The following TOMM7 variants were observed in gnomAD, a reference collection of about 807,000 sequenced individuals.
TOMM7 encodes mitochondrial import receptor subunit TOM7 homolog.
A neutral mutation model predicts 9.5 loss-of-function variants in TOMM7; 8 were observed. The observed-to-expected ratio is 0.84, with a 90% CI of 0.49 to 1.51. TOMM7 has a LOEUF of 1.51. Ranked by LOEUF, TOMM7 falls within the 40% of genes most tolerant of loss-of-function variation. The pLI is 0.00. For synonymous variants in TOMM7, 27 were observed against 21.4 expected (o/e 1.26, Z -0.72); for missense variants, 74 against 63.7 (o/e 1.16, Z -0.55).
At position 22,815,141 on chromosome 7, in the gene TOMM7, TA is replaced by T. The variant is rs1782300695; in HGVS notation, c.153-1957del. Among the ~76,000 whole-genome samples the T allele has an allele frequency of 5.3e-5, 8 of 152,034 alleles. No homozygotes were observed. In the South Asian group the frequency reaches 1.7e-3, roughly 32 times the overall value. On this transcript the variant is annotated intron_variant, in intron 2 of 2. Transcript: ENST00000358435. ...TGACAGAAAAGATCAAGAGGGTTAGTATCAGGAAGGAGAGAAGCACTGAGAA... is the reference window on the plus strand; with the variant it reads ...TGACAGAAAAGATCAAGAGGGTTAGTTCAGGAAGGAGAGAAGCACTGAGAA...
Position 22,822,839 on chromosome 7 carries a change from A to C in TOMM7, c.-60T>G. On this transcript the variant is annotated 5_prime_UTR_variant, in exon 1 of 3. Transcript: ENST00000358435. ...CAGCAACCACAGCGTCGGGAATCCG[A>C]AAGGGAAAGGAGGTGCGCAGGCGCC... 2 of 1,411,350 alleles carry C rather than the reference A, an allele frequency of 1.4e-6. No homozygotes were observed. The highest frequency in any genetic ancestry group is 2.3e-5 in the South Asian group (2 of 86,828). 87.4% of individuals were successfully genotyped at this position (1,411,350 alleles called of 1,614,324 possible). A position where few individuals can be genotyped will look rare whatever the true frequency, so the allele number is the denominator to read the frequency against.
chr7:22,813,182 T>A lies in TOMM7; in HGVS notation c.156A>T (p.Leu52=), dbSNP rs1328833106. The A allele has an allele frequency of 1.9e-6, 3 of 1,613,218 alleles. No individual in the cohort carries two copies. The highest frequency in any genetic ancestry group is 1.7e-6 in the Non-Finnish European group (2 of 1,179,604). ...PGMPEPTVLS[L]LWG is the part of the protein sequence containing the mutation. ...ACCAAATAATCCTTTATCCCCAAAG[T>A]AGGCTAAAATGTTTGTGAAGAGAAG... Residue 52 remains leucine, a synonymous_variant, in exon 3 of 3, where the codon CTA becomes CTT. Transcript: ENST00000358435.
rs1562674797 is a variant in TOMM7 at position 22,822,799 on chromosome 7, AG to A, written c.-21del. ...CACCATGGCGACGGCCGTGTGGCGC[AG>A]GGAGGACCCCTTACAGCAACCACAG... On this transcript the variant is annotated 5_prime_UTR_variant, in exon 1 of 3. Transcript: ENST00000358435. 1 of 1,601,600 alleles carries A rather than the reference AG, an allele frequency of 6.2e-7. No homozygotes were observed. Among genetic ancestry groups the A allele is most frequent in the Non-Finnish European group, 8.6e-7 (1 of 1,168,596 alleles).
chr7:22,820,259 C>A (rs569978748), intron 1 of TOMM7, among the ~76,000 whole-genome samples: 41 of 152,104 alleles, frequency 2.7e-4, no homozygotes, highest in African/African-American at 9.2e-4. Flanking sequence ...GGAAAGACAA[C>A]CTTAACACCA....
intron 1 of TOMM7, 72 bp from the exon 2 acceptor site, chr7:22,818,120 C>G (rs1017806349): frequency 1.4e-6 from 2 of 1,445,888 alleles, no homozygotes; most frequent in Non-Finnish European, 1.9e-6. Context: ...ACAATCAAGA[C>G]TTTTTCTTCT....
intron 1 of TOMM7, among the ~76,000 whole-genome samples, chr7:22,821,301 G>C (rs10267620): frequency 0.67 from 101,499 of 151,072 alleles, 34,935 homozygotes; most frequent in East Asian, 0.84. Context: ...TCCCAGCTGT[G>C]CGGGAGGCTG....
At chr7:22,820,479 G>T (rs1182399492) in intron 1 of TOMM7, among the ~76,000 whole-genome samples, 2 of 152,198 alleles carry the variant, frequency 1.3e-5, no homozygotes, top group Non-Finnish European at 2.9e-5. Flanking sequence ...AAAACAGGGA[G>T]GAGGAGGGAA....
intron 2 of TOMM7, among the ~76,000 whole-genome samples, chr7:22,814,546 T>C (rs1332167042): frequency 1.3e-5 from 2 of 152,026 alleles, no homozygotes; most frequent in African/African-American, 2.4e-5. Flanking sequence ...TCTTCTTCAA[T>C]GGTAATGGGC....
chr7:22,817,166 G>A (rs2286501), intron 2 of TOMM7, among the ~76,000 whole-genome samples: 1 of 151,912 alleles, frequency 6.6e-6, no homozygotes, highest in Non-Finnish European at 1.5e-5. Flanking sequence ...AAACCTGCCT[G>A]TTTGAGATTA....
Position 22,822,781 on chromosome 7 carries a change from G to A in TOMM7, c.-2C>T. 6.2e-7 allele frequency: 1 copy of A among 1,613,842 alleles called. No homozygotes were observed. Among genetic ancestry groups the A allele is most frequent in the Non-Finnish European group, 8.5e-7 (1 of 1,179,726 alleles). ...GGCCTCTTTGCTCAGCTTCACCATG[G>A]CGACGGCCGTGTGGCGCAGGGAGGA... On this transcript the variant is annotated 5_prime_UTR_variant, in exon 1 of 3. Coordinates refer to ENST00000358435, the MANE Select transcript of TOMM7 (RefSeq NM_019059.5).
At chr7:22,822,527 T>G in intron 1 of TOMM7, 150 bp downstream of exon 1, 2 of 768,026 alleles carry the variant, frequency 2.6e-6, no homozygotes, top group East Asian at 5.0e-5. Flanking sequence ...GAACTCAGGT[T>G]AGATCGGCCC....
At chr7:22,816,482 G>C (rs765862848) in intron 2 of TOMM7, among the ~76,000 whole-genome samples, 11 of 152,150 alleles carry the variant, frequency 7.2e-5, no homozygotes, top group Non-Finnish European at 1.6e-4. Flanking sequence ...CAAAGAGTAA[G>C]GGCTAAGAAA....
intron 2 of TOMM7, among the ~76,000 whole-genome samples, chr7:22,815,357 T>C (rs1782304845): frequency 1.3e-5 from 2 of 151,930 alleles, no homozygotes; most frequent in South Asian, 4.2e-4. Flanking sequence ...AGGTCCAGCC[T>C]AAAATTTGTA....
chr7:22,822,642 C>T (rs1782409991), intron 1 of TOMM7, 35 bp downstream of exon 1: 6 of 1,576,478 alleles, frequency 3.8e-6, no homozygotes, highest in Non-Finnish European at 4.4e-6. Flanking sequence ...CACCCTCTTC[C>T]CTCCAGTCAC....
At chr7:22,821,944 G>A (rs111812697) in intron 1 of TOMM7, among the ~76,000 whole-genome samples, 28 of 152,128 alleles carry the variant, frequency 1.8e-4, no homozygotes, top group African/African-American at 6.5e-4. Flanking sequence ...AGGTTGCAAT[G>A]AGCCGGGATA....
chr7:22,818,511 C>A (rs1284118525), intron 1 of TOMM7, among the ~76,000 whole-genome samples: 4 of 152,146 alleles, frequency 2.6e-5, no homozygotes, highest in Admixed American at 2.6e-4. Context: ...AAACTCCTGA[C>A]CTCAAATGAT....
At chr7:22,814,824 T>C (rs1460485033) in intron 2 of TOMM7, among the ~76,000 whole-genome samples, 1 of 152,190 alleles carries the variant, frequency 6.6e-6, no homozygotes, top group African/African-American at 2.4e-5. Context: ...AACTAGTAGA[T>C]AATTAACTGT....
At chr7:22,822,561 G>A in intron 1 of TOMM7, 116 bp downstream of exon 1, 1 of 911,918 alleles carries the variant, frequency 1.1e-6, no homozygotes, top group Middle Eastern at 2.2e-4. Context: ...AGCCTCAGGG[G>A]CCGTGCACGG....
intron 2 of TOMM7, chr7:22,817,440 G>A (rs1410114198): frequency 2.9e-5 from 5 of 173,128 alleles, no homozygotes; most frequent in Admixed American, 1.8e-4. Context: ...GATGGGTCTC[G>A]CTACGTTGCC....
Sources: gnomAD v4.1 joint callset for allele counts (sites outside exome capture counted in the v4.1 genomes callset) on GRCh38, gnomAD v4.1.1 for gene constraint, MANE v1.5 for transcripts, NCBI Gene and HGNC (gene_info 2026-07-23, HGNC 2026-07-21) for gene names.